The following ANKMY2 variants were observed in gnomAD, a reference collection of about 807,000 sequenced individuals.
ANKMY2 encodes ankyrin repeat and MYND domain-containing protein 2.
A neutral mutation model predicts 50.4 loss-of-function variants in ANKMY2; 36 were observed. The ratio of observed to expected loss-of-function variants is 0.71; its 90% CI spans 0.55 to 0.94. The LOEUF (loss-of-function observed/expected upper bound fraction) is 0.94, where lower values mean the gene tolerates loss of function less well. Ranked by LOEUF, ANKMY2 falls within the 40% of genes least tolerant of loss-of-function variation. ANKMY2 has a pLI of 0.00. For missense variants in ANKMY2, 565 were observed against 524.0 expected (o/e 1.08, Z -0.76); for synonymous variants, 187 against 178.8 (o/e 1.05, Z -0.36).
chr7:16,641,448 C>G (rs1454523813), intron 1 of ANKMY2, among the ~76,000 whole-genome samples: 5 of 152,122 alleles, frequency 3.3e-5, no homozygotes, highest in Non-Finnish European at 7.3e-5. Flanking sequence ...GACAATGAAG[C>G]CCATATAGGT....
intron 3 of ANKMY2, among the ~76,000 whole-genome samples, 177 bp downstream of exon 3, chr7:16,626,862 AT>A (rs1270924540): frequency 6.6e-6 from 1 of 152,220 alleles, no homozygotes; most frequent in East Asian, 1.9e-4. Context: ...AAATCACCAA[AT>A]TCACTATATA....
intron 1 of ANKMY2, among the ~76,000 whole-genome samples, chr7:16,642,769 T>A (rs1051467562): frequency 2.6e-5 from 4 of 152,228 alleles, no homozygotes; most frequent in Non-Finnish European, 5.9e-5. Flanking sequence ...TTAAATTTAA[T>A]GCACACAGAA....
intron 1 of ANKMY2, among the ~76,000 whole-genome samples, chr7:16,637,348 G>C (rs1275173955): frequency 6.6e-6 from 1 of 152,178 alleles, no homozygotes; most frequent in Non-Finnish European, 1.5e-5. Context: ...AACTCTGCTA[G>C]CCTTCTAGAG....
chr7:16,633,942 C>T (rs1781622008), intron 2 of ANKMY2, among the ~76,000 whole-genome samples: 1 of 151,974 alleles, frequency 6.6e-6, no homozygotes, highest in African/African-American at 2.4e-5. Context: ...CTATTATGTT[C>T]TTGGTGTATT....
At chr7:16,616,717 T>C (rs1781358664) in intron 4 of ANKMY2, among the ~76,000 whole-genome samples, 1 of 152,260 alleles carries the variant, frequency 6.6e-6, no homozygotes, top group African/African-American at 2.4e-5. Context: ...TCCTCCGCTC[T>C]GCCTGATGAG....
chr7:16,618,202 A>G (rs751381748), intron 4 of ANKMY2, among the ~76,000 whole-genome samples: 25 of 152,116 alleles, frequency 1.6e-4, no homozygotes, highest in Non-Finnish European at 3.4e-4. Context: ...CTGGGATTAC[A>G]GGCGTGAGCC....
chr7:16,612,299 A>C (rs1781268305), intron 5 of ANKMY2, among the ~76,000 whole-genome samples: 1 of 152,226 alleles, frequency 6.6e-6, no homozygotes, highest in East Asian at 1.9e-4. Context: ...AATTTAACAC[A>C]GATTAAATGT....
In ANKMY2 at chr7:16,636,386, C is replaced by G. The variant is rs752140236; in HGVS notation, c.132+5G>C. The G allele has an allele frequency of 8.5e-6, 12 of 1,412,940 alleles. No individual in the cohort carries two copies. The highest frequency in any genetic ancestry group is 1.1e-5 in the Non-Finnish European group (12 of 1,059,658). The allele number at this position is 1,412,940 out of a possible 1,614,324, so 87.5% of individuals were successfully genotyped here. ...AAATCCTTTATTAAACTTCTAAAAT[C>G]TTACCTCGTCCAAACAGTTGACACG... On this transcript the variant is annotated splice_donor_5th_base_variant and intron_variant, in intron 2 of 9. Coordinates refer to ENST00000306999, the MANE Select transcript of ANKMY2 (RefSeq NM_020319.3).
At position 16,610,778 on chromosome 7, in the gene ANKMY2, A is replaced by G. The variant is rs778379069; in HGVS notation, c.532-15T>C. 1 of 1,610,322 alleles carries G rather than the reference A, an allele frequency of 6.2e-7. No homozygotes were observed. The highest frequency in any genetic ancestry group is 8.5e-7 in the Non-Finnish European group (1 of 1,177,508). On this transcript the variant is annotated splice_polypyrimidine_tract_variant and intron_variant, in intron 5 of 9. Coordinates refer to ENST00000306999, the MANE Select transcript of ANKMY2 (RefSeq NM_020319.3). ...AGCATCACGATCTAGAGGAAATCCC[A>G]GTGTACTCAGGTATTAAAGGAGACA... is the stretch of plus-strand genomic sequence containing the variant.
chr7:16,631,700 C>T (rs187708916), intron 2 of ANKMY2, among the ~76,000 whole-genome samples: 19 of 151,776 alleles, frequency 1.3e-4, no homozygotes, highest in East Asian at 1.9e-4. Flanking sequence ...CTGCAACTTC[C>T]GCCTCCAGGG....
At position 16,600,948 on chromosome 7, in the gene ANKMY2, G is replaced by T; in HGVS notation, c.1142-3C>A. The T allele has an allele frequency of 6.4e-7, 1 of 1,569,322 alleles. No homozygotes were observed. Among genetic ancestry groups the T allele is most frequent in the South Asian group, 1.2e-5 (1 of 84,874 alleles). On this transcript the variant is annotated splice_region_variant and splice_polypyrimidine_tract_variant and intron_variant, in intron 9 of 9. Transcript: ENST00000306999. Reference sequence around the variant, plus strand: ...AGAATTGACATCAAGTTTGCCGTCTGATTAAAAAAAGAAGAAGTTATTTTG... The same window carrying T: ...AGAATTGACATCAAGTTTGCCGTCTTATTAAAAAAAGAAGAAGTTATTTTG...
intron 2 of ANKMY2, among the ~76,000 whole-genome samples, chr7:16,635,582 C>G (rs1252808062): frequency 1.3e-5 from 2 of 152,140 alleles, no homozygotes; most frequent in African/African-American, 4.8e-5. Flanking sequence ...CTCAGTCAAA[C>G]TTCCCTTATT....
At chr7:16,614,961 T>TA (rs1781317296) in intron 5 of ANKMY2, among the ~76,000 whole-genome samples, 1 of 152,200 alleles carries the variant, frequency 6.6e-6, no homozygotes. Context: ...TAGCTGGATT[T>TA]TTTTGAAAAA....
intron 4 of ANKMY2, among the ~76,000 whole-genome samples, chr7:16,616,480 C>T (rs1358239555): frequency 6.6e-6 from 1 of 152,110 alleles, no homozygotes; most frequent in Non-Finnish European, 1.5e-5. Flanking sequence ...AATTCCAAGC[C>T]ACTTCTCTAA....
rs572632634 is a variant in ANKMY2, at chr7:16,631,328, A to G, written c.133-4150T>C. Among the ~76,000 whole-genome samples, 11 of 152,244 alleles carry G rather than the reference A, an allele frequency of 7.2e-5. No homozygotes were observed. In the South Asian group the frequency reaches 2.3e-3, roughly 32 times the overall value. On this transcript the variant is annotated intron_variant, in intron 2 of 9. Coordinates refer to ENST00000306999, the MANE Select transcript of ANKMY2 (RefSeq NM_020319.3). ...GCATCAACCTGCTAACATTTTTAGAATTTTTGCCTCTGTATTTATAAAGTG... is the reference window on the plus strand; with the variant it reads ...GCATCAACCTGCTAACATTTTTAGAGTTTTTGCCTCTGTATTTATAAAGTG...
intron 2 of ANKMY2, among the ~76,000 whole-genome samples, chr7:16,632,487 A>G (rs916185349): frequency 6.6e-6 from 1 of 152,178 alleles, no homozygotes; most frequent in East Asian, 1.9e-4. Flanking sequence ...GGTATTTTGT[A>G]TAAATGGAAT....
intron 7 of ANKMY2, among the ~76,000 whole-genome samples, chr7:16,605,684 T>G (rs1449417758): frequency 1.5e-5 from 2 of 136,770 alleles, no homozygotes; most frequent in Admixed American, 7.3e-5. Flanking sequence ...CTTTTTTTTT[T>G]TTTTTTTTTT....
rs1750144190 is a variant in ANKMY2, at chr7:16,615,888, C to T, written c.387G>A (p.Val129=). ...MAAFVGQHDC[V]TIINNFFPRE... ...GAGGAAAGAAATTGTTGATTATGGT[C>T]ACACAATCATGTTGACCTTTTCATA... Residue 129 remains valine (V), a synonymous_variant, in exon 5 of 10, where the codon GTG becomes GTA. Transcript: ENST00000306999. 1.2e-6 allele frequency: 2 copies of T among 1,612,806 alleles called. No individual in the cohort carries two copies. Among genetic ancestry groups the T allele is most frequent in the Admixed American group, 1.7e-5 (1 of 59,766 alleles).
At chr7:16,636,294 C>T (rs1392127188) in intron 2 of ANKMY2, 97 bp downstream of exon 2, 11 of 673,752 alleles carry the variant, frequency 1.6e-5, no homozygotes, top group Non-Finnish European at 2.3e-5. Flanking sequence ...AAGAGCAACA[C>T]TCCATCTCAA....
Sources: allele counts gnomAD v4.1 joint callset (sites outside exome capture counted in the v4.1 genomes callset), GRCh38; gene constraint gnomAD v4.1.1; transcripts MANE v1.5; gene names NCBI Gene and HGNC (gene_info 2026-07-23, HGNC 2026-07-21).